The following DMXL2 variants were observed in gnomAD, a reference collection of about 807,000 sequenced individuals.
The protein encoded by DMXL2 is Dmx like 2.
DMXL2 carries 103 observed loss-of-function variants against 331.1 expected under a neutral mutation model. The observed-to-expected ratio is 0.31, with a 90% CI of 0.27 to 0.37. DMXL2 has a LOEUF of 0.37. Ranked by LOEUF, DMXL2 falls within the 10% of genes least tolerant of loss-of-function variation. The probability of loss-of-function intolerance (pLI) is 1.00; values close to 1 mark genes in which losing one functional copy is unlikely to be tolerated. For synonymous variants in DMXL2, 1,281 were observed against 1,252.1 expected (o/e 1.02, Z -0.49); for missense variants, 3,171 against 3,642.9 (o/e 0.87, Z 3.33).
Position 51,480,970 on chromosome 15 carries a change from C to T in DMXL2, c.6136G>A (p.Ala2046Thr). ...TCAGTCATAAGGATCTTTAAACAAG[C>T]TCTGAATTTTAGTTGTTCAGCAATC... ...DVIAEQLKFR[A>T]CLKILMTELR... Residue 2046 changes from alanine (A) to threonine (T), a missense_variant, in exon 24 of 44, where the codon GCT becomes ACT. Physicochemically the swap from Ala to Thr is moderately conservative, Grantham distance 58. This residue lies in a region of DMXL2 where 20 missense variants were observed against 46.3 expected (regional missense o/e 0.43). Coordinates refer to ENST00000560891, the MANE Select transcript of DMXL2 (RefSeq NM_001378457.1). 6.2e-7 allele frequency: 1 copy of T among 1,614,104 alleles called. No individual in the cohort carries two copies. The highest frequency in any genetic ancestry group is 8.5e-7 in the Non-Finnish European group (1 of 1,179,996).
At position 51,486,159 on chromosome 15, in the gene DMXL2, C is replaced by T. The variant is rs1490727464; in HGVS notation, c.5396G>A (p.Ser1799Asn). 2 of 1,614,060 alleles carry T rather than the reference C, an allele frequency of 1.2e-6. No homozygotes were observed. Among genetic ancestry groups the T allele is most frequent in the South Asian group, 2.2e-5 (2 of 91,076 alleles). The change falls in exon 23 of 44, where the codon AGT becomes AAT. Residue 1799 changes from serine to asparagine, a missense_variant. Ser to Asn is a conservative substitution (Grantham distance 46). This residue lies in a region of DMXL2 where 252 missense variants were observed against 387.4 expected (regional missense o/e 0.65). Coordinates refer to ENST00000560891, the MANE Select transcript of DMXL2 (RefSeq NM_001378457.1). ...KRLHPDPFLR[S>N]LAYWVMKDYT... ...ATCTTTCATTACCCAATAGGCAAGA[C>T]TACGCAGGAAAGGATCAGGATGTAA...
intron 16 of DMXL2, among the ~76,000 whole-genome samples, chr15:51,504,911 GA>G (rs1233535655): frequency 6.6e-6 from 1 of 152,118 alleles, no homozygotes; most frequent in South Asian, 2.1e-4. Context: ...TGCTAAGAAA[GA>G]AAATAAGAGC....
chr15:51,510,850 G>C (rs540581438), intron 15 of DMXL2, among the ~76,000 whole-genome samples: 14 of 152,118 alleles, frequency 9.2e-5, no homozygotes, highest in African/African-American at 3.4e-4. Flanking sequence ...CAGATACATA[G>C]AACAATGGAA....
chr15:51,622,107 C>T (rs1029617672), intron 1 of DMXL2, among the ~76,000 whole-genome samples: 5 of 152,138 alleles, frequency 3.3e-5, no homozygotes, highest in African/African-American at 1.2e-4. Flanking sequence ...AGAGCAGCTG[C>T]GAAACGGACG....
chr15:51,576,203 A>AAAAAAAAAAAAAT, intron 1 of DMXL2, 22 bp from the exon 2 acceptor site: 2 of 1,373,706 alleles, frequency 1.5e-6, no homozygotes, highest in Admixed American at 2.5e-5. Flanking sequence ...AAAAAAAAAA[A>AAAAAAAAAAAAAT]GTTTTACAAT....
intron 13 of DMXL2, among the ~76,000 whole-genome samples, chr15:51,534,192 G>A (rs1458847218): frequency 6.6e-6 from 1 of 152,066 alleles, no homozygotes; most frequent in Non-Finnish European, 1.5e-5. Context: ...AATGAGAGAG[G>A]TCACAATATT....
intron 26 of DMXL2, among the ~76,000 whole-genome samples, chr15:51,477,532 T>C (rs2041682329): frequency 6.6e-6 from 1 of 152,028 alleles, no homozygotes; most frequent in African/African-American, 2.4e-5. Flanking sequence ...TTTTGATAGA[T>C]AATTCTTTAC....
chr15:51,595,476 C>T lies in DMXL2; in HGVS notation c.88-19295G>A, dbSNP rs536958599. The stretch of plus-strand genomic sequence containing the variant: ...GTTCATGGGTAGGAAGAATCAATAT[C>T]GTGAAAATGGCCATACTGCCCAAGG... On this transcript the variant is annotated intron_variant, in intron 1 of 43. Coordinates refer to ENST00000560891, the MANE Select transcript of DMXL2 (RefSeq NM_001378457.1). Among the ~76,000 whole-genome samples, 3 of 152,232 alleles carry T rather than the reference C, an allele frequency of 2.0e-5. No homozygotes were observed. The South Asian group carries it at 6.2e-4, about 32-fold the overall frequency.
chr15:51,487,436 T>C (rs1795014405), intron 22 of DMXL2, among the ~76,000 whole-genome samples: 1 of 148,756 alleles, frequency 6.7e-6, no homozygotes, highest in Admixed American at 6.6e-5. Context: ...AGTCTTGAAA[T>C]GCAATGTGCC....
Position 51,500,133 on chromosome 15 carries a change from TACA to T in DMXL2, c.3088_3090del (p.Cys1030del). The T allele has an allele frequency of 2.5e-6, 4 of 1,614,188 alleles. No individual in the cohort carries two copies. In the South Asian group the frequency reaches 3.3e-5, roughly 13 times the overall value. On this transcript the variant is annotated inframe_deletion, in exon 18 of 44. Coordinates refer to ENST00000560891, the MANE Select transcript of DMXL2 (RefSeq NM_001378457.1). ...TTATTACACTCTGGGTTGGCTTCCA[TACA>T]ACATTTCCAGAAGCGTACTTTATTG...
At chr15:51,580,273 A>C (rs1462816249) in intron 1 of DMXL2, among the ~76,000 whole-genome samples, 39 of 152,186 alleles carry the variant, frequency 2.6e-4, no homozygotes, top group Admixed American at 2.6e-3. Context: ...GGAGGAAAAC[A>C]GGGTGTTCGT....
chr15:51,564,772 T>C (rs2050169190), intron 4 of DMXL2, among the ~76,000 whole-genome samples: 1 of 152,006 alleles, frequency 6.6e-6, no homozygotes, highest in African/African-American at 2.4e-5. Context: ...TGAGGTGAAG[T>C]TTTTTTGGTC....
At chr15:51,602,085 C>A (rs1268450844) in intron 1 of DMXL2, among the ~76,000 whole-genome samples, 2 of 152,148 alleles carry the variant, frequency 1.3e-5, no homozygotes, top group African/African-American at 4.8e-5. Flanking sequence ...CACAGAACAG[C>A]TATTTGAGGA....
rs750655213 is a variant in DMXL2, at chr15:51,465,661, G to A, written c.7521-10C>T. The A allele has an allele frequency of 3.2e-6, 5 of 1,564,456 alleles. No individual in the cohort carries two copies. The highest frequency in any genetic ancestry group is 1.2e-5 in the South Asian group (1 of 84,652). ...ATGTAGAAGAGCCCAGCTGTTCAAGGAGGGGCAAAAAGAGTCTTTAAGTGA... is the reference window on the plus strand; with the variant it reads ...ATGTAGAAGAGCCCAGCTGTTCAAGAAGGGGCAAAAAGAGTCTTTAAGTGA... On this transcript the variant is annotated splice_polypyrimidine_tract_variant and intron_variant, in intron 30 of 43. Coordinates refer to ENST00000560891, the MANE Select transcript of DMXL2 (RefSeq NM_001378457.1).
Position 51,450,264 on chromosome 15 carries a change from T to C in DMXL2, c.8832A>G (p.Gly2944=). 6.2e-7 allele frequency: 1 copy of C among 1,614,076 alleles called. No homozygotes were observed. Among genetic ancestry groups the C allele is most frequent in the Non-Finnish European group, 8.5e-7 (1 of 1,179,998 alleles). Residue 2944 remains glycine, a synonymous_variant, in exon 43 of 44, where the codon GGA becomes GGG. Coordinates refer to ENST00000560891, the MANE Select transcript of DMXL2 (RefSeq NM_001378457.1). ...QQLLISGGRK[G]HVCIFDIRQR... is the part of the protein sequence containing the mutation. The stretch of plus-strand genomic sequence containing the variant: ...GCCTGATGTCAAAAATGCAGACGTG[T>C]CCTTTCCTACCCCCCGAGATTAGGA...
intron 1 of DMXL2, among the ~76,000 whole-genome samples, chr15:51,597,066 T>TATA (rs1208981437): frequency 6.6e-6 from 1 of 151,932 alleles, no homozygotes; most frequent in Admixed American, 6.6e-5. Context: ...AAACTTAAAG[T>TATA]ATAATAATAA....
intron 9 of DMXL2, among the ~76,000 whole-genome samples, chr15:51,539,591 T>C (rs1410991687): frequency 6.6e-6 from 1 of 151,944 alleles, no homozygotes. Context: ...GGAGGATCGC[T>C]TGAACTTAGG....
intron 20 of DMXL2, among the ~76,000 whole-genome samples, chr15:51,489,180 G>A (rs1180694087): frequency 6.6e-6 from 1 of 152,128 alleles, no homozygotes; most frequent in Non-Finnish European, 1.5e-5. Context: ...AGAGCATATA[G>A]GCCATACCTT....
At chr15:51,535,584 C>A in intron 13 of DMXL2, 79 bp downstream of exon 13, 3 of 1,364,304 alleles carry the variant, frequency 2.2e-6, no homozygotes, top group South Asian at 1.6e-5. Context: ...CAGCAACTAA[C>A]AAACACAGGT....
Sources: gnomAD v4.1 joint callset for allele counts (sites outside exome capture counted in the v4.1 genomes callset) on GRCh38, gnomAD v4.1.1 for gene constraint, gnomAD v4.1.1 regional missense constraint, MANE v1.5 for transcripts, NCBI Gene and HGNC (gene_info 2026-07-23, HGNC 2026-07-21) for gene names.